CSMD3: variants seen among roughly 807,000 people sequenced by gnomAD.
The protein encoded by CSMD3 is CUB and Sushi multiple domains 3.
In CSMD3, 177 loss-of-function variants were observed where a neutral mutation model predicts 435.2. That is an observed-to-expected ratio of 0.41 (90% CI 0.36 to 0.46). The LOEUF (loss-of-function observed/expected upper bound fraction) is 0.46, where lower values mean the gene tolerates loss of function less well. Ranked by LOEUF, CSMD3 falls within the 20% of genes least tolerant of loss-of-function variation. The pLI, the probability that CSMD3 is intolerant of heterozygous loss-of-function variation, is 0.34. For synonymous variants in CSMD3, 1,656 were observed against 1,520.5 expected, an observed-to-expected ratio of 1.09 and a Z score of -2.07; for missense variants, 4,265 against 4,504.6, an observed-to-expected ratio of 0.95 and a Z score of 1.52.
At chr8:112,742,119 C>A (rs1262392054) in intron 13 of CSMD3, among the ~76,000 whole-genome samples, 1 of 151,486 alleles carries the variant, frequency 6.6e-6, no homozygotes, top group Non-Finnish European at 1.5e-5. Flanking sequence ...ACCTCCACCC[C>A]CTCCGCACTC....
intron 42 of CSMD3, among the ~76,000 whole-genome samples, chr8:112,341,204 C>A (rs762934165): frequency 6.6e-6 from 1 of 151,884 alleles, no homozygotes; most frequent in African/African-American, 2.4e-5. Flanking sequence ...ATTTGCCATG[C>A]CTTGCTTAAT....
At chr8:112,978,148 T>C (rs2084922667) in intron 6 of CSMD3, among the ~76,000 whole-genome samples, 1 of 152,038 alleles carries the variant, frequency 6.6e-6, no homozygotes, top group South Asian at 2.1e-4. Context: ...TTTTCAGACT[T>C]TCAGGTTTAA....
intron 10 of CSMD3, among the ~76,000 whole-genome samples, chr8:112,895,829 T>C (rs1005136705): frequency 6.6e-6 from 1 of 151,390 alleles, no homozygotes; most frequent in Non-Finnish European, 1.5e-5. Flanking sequence ...TAGGAGTCAA[T>C]AGTTTGCAAG....
chr8:112,945,036 T>A (rs1291969876), intron 9 of CSMD3, among the ~76,000 whole-genome samples: 1 of 151,708 alleles, frequency 6.6e-6, no homozygotes, highest in Non-Finnish European at 1.5e-5. Flanking sequence ...TCTCTAAATC[T>A]TCTAAAATGT....
chr8:112,860,350 TGTGA>T (rs1291200712), intron 10 of CSMD3, among the ~76,000 whole-genome samples: 9 of 151,850 alleles, frequency 5.9e-5, no homozygotes, highest in African/African-American at 9.7e-5. Context: ...TTAATTATCT[TGTGA>T]GTGTGTGTGT....
chr8:112,265,711 A>C, intron 59 of CSMD3, 121 bp from the exon 60 acceptor site: 1 of 773,086 alleles, frequency 1.3e-6, no homozygotes, highest in Non-Finnish European at 2.3e-6. Context: ...GTTCATTTTT[A>C]ATCATAAAAC....
At chr8:113,226,146 T>C (rs2093025795) in intron 3 of CSMD3, among the ~76,000 whole-genome samples, 1 of 151,500 alleles carries the variant, frequency 6.6e-6, no homozygotes, top group African/African-American at 2.4e-5. Flanking sequence ...TACCCAGCCT[T>C]GGGCAGTTCT....
At chr8:112,570,757 C>G (rs990998920) in intron 24 of CSMD3, among the ~76,000 whole-genome samples, 2 of 152,146 alleles carry the variant, frequency 1.3e-5, no homozygotes, top group African/African-American at 4.8e-5. Flanking sequence ...GAGAATACAG[C>G]TCAGAACCCA....
rs904706257 is a variant in CSMD3 at position 112,783,946 on chromosome 8, A to G, written c.1972+16216T>C. On this transcript the variant is annotated intron_variant, in intron 13 of 70. Coordinates refer to ENST00000297405, the MANE Select transcript of CSMD3 (RefSeq NM_198123.2). ...AACACCAGAGCACTCAAATATATAA[A>G]GCAAATATTAGTGCTAAAGAAAGAG... Among the ~76,000 whole-genome samples the G allele has an allele frequency of 6.6e-5, 10 of 152,220 alleles. No individual in the cohort carries two copies. The South Asian group carries it at 2.1e-3, about 32-fold the overall frequency.
chr8:112,974,815 T>C lies in CSMD3; in HGVS notation c.1342+1022A>G, dbSNP rs535249344. Among the ~76,000 whole-genome samples, 23 of 151,992 alleles carry C rather than the reference T, an allele frequency of 1.5e-4. No homozygotes were observed. The South Asian group carries it at 4.4e-3, about 29-fold the overall frequency. Reference sequence around the variant, plus strand: ...AAAGATGTCTTGATTTCTATCCTTCTTGTGCTCTAAGTATTGAGCACAATA... The same window carrying C: ...AAAGATGTCTTGATTTCTATCCTTCCTGTGCTCTAAGTATTGAGCACAATA... On this transcript the variant is annotated intron_variant, in intron 7 of 70. Transcript: ENST00000297405.
intron 10 of CSMD3, among the ~76,000 whole-genome samples, chr8:112,909,253 T>C (rs1228350715): frequency 6.6e-6 from 1 of 151,636 alleles, no homozygotes; most frequent in East Asian, 1.9e-4. Context: ...GTTCAGAGCA[T>C]CGTTTTTTCA....
intron 50 of CSMD3, chr8:112,310,524 A>C: frequency 4.4e-6 from 1 of 229,008 alleles, no homozygotes; most frequent in South Asian, 6.3e-5. Flanking sequence ...AAGAAAAAAA[A>C]TATCCAGGTG....
At chr8:113,182,588 T>A (rs1259743118) in intron 3 of CSMD3, among the ~76,000 whole-genome samples, 1 of 151,722 alleles carries the variant, frequency 6.6e-6, no homozygotes, top group African/African-American at 2.4e-5. Flanking sequence ...TCACAACGAA[T>A]TGCTTAAATA....
At chr8:113,040,602 A>C (rs541570929) in intron 5 of CSMD3, among the ~76,000 whole-genome samples, 70 of 152,260 alleles carry the variant, frequency 4.6e-4, no homozygotes, top group African/African-American at 1.6e-3. Context: ...AAATGACTCT[A>C]AATTCTTGGT....
At chr8:112,807,706 G>T (rs1460407878) in intron 12 of CSMD3, among the ~76,000 whole-genome samples, 1 of 152,116 alleles carries the variant, frequency 6.6e-6, no homozygotes, top group Admixed American at 6.6e-5. Context: ...CTCACATAGA[G>T]CAGAATGACA....
At chr8:113,235,365 T>C (rs1200591549) in intron 3 of CSMD3, among the ~76,000 whole-genome samples, 1 of 152,058 alleles carries the variant, frequency 6.6e-6, no homozygotes, top group African/African-American at 2.4e-5. Context: ...GTGCACCCCA[T>C]TCCAATAGCC....
chr8:112,230,067 T>C (rs1812949382), intron 69 of CSMD3, among the ~76,000 whole-genome samples: 4 of 152,124 alleles, frequency 2.6e-5, no homozygotes, highest in Admixed American at 2.6e-4. Flanking sequence ...CCGATGGCAT[T>C]CGCAGAGTTA....
chr8:113,043,406 C>A lies in CSMD3; in HGVS notation c.918-24227G>T, dbSNP rs1254351381. On this transcript the variant is annotated intron_variant, in intron 5 of 70. Transcript: ENST00000297405. ...ATGCCAGATTTTTAGAGACTTAAGT[C>A]AGCATCATTTTAACAGGAAAATGTT... Among the ~76,000 whole-genome samples, 5 of 152,230 alleles carry A rather than the reference C, an allele frequency of 3.3e-5. No individual in the cohort carries two copies. In the East Asian group the frequency reaches 9.6e-4, roughly 29 times the overall value.
chr8:113,130,059 A>C (rs2091246463), intron 4 of CSMD3, among the ~76,000 whole-genome samples: 1 of 152,052 alleles, frequency 6.6e-6, no homozygotes, highest in Non-Finnish European at 1.5e-5. Flanking sequence ...AAATAATAGC[A>C]GCTTACATTT....
Sources: gnomAD v4.1 joint callset for allele counts (sites outside exome capture counted in the v4.1 genomes callset) on GRCh38, gnomAD v4.1.1 for gene constraint, MANE v1.5 for transcripts, NCBI Gene and HGNC (gene_info 2026-07-23, HGNC 2026-07-21) for gene names.